Variants in CHST8 observed in about 807,000 individuals in gnomAD.
CHST8 encodes the protein carbohydrate sulfotransferase 8.
In CHST8, 10 loss-of-function variants were observed where a neutral mutation model predicts 15.0. The observed-to-expected ratio is 0.67, with a 90% confidence interval of 0.41 to 1.13. The LOEUF (loss-of-function observed/expected upper bound fraction) is 1.13, where lower values mean the gene tolerates loss of function less well. Ranked by LOEUF, CHST8 falls within the 50% of genes most tolerant of loss-of-function variation. The pLI, the probability that CHST8 is intolerant of heterozygous loss-of-function variation, is 0.00. For synonymous variants in CHST8, 259 were observed against 256.6 expected, an observed-to-expected ratio of 1.01 and a Z score of -0.09; for missense variants, 634 against 608.2, an observed-to-expected ratio of 1.04 and a Z score of -0.45.
chr19:33,756,071 G>T (rs1189545788), intron 3 of CHST8, among the ~76,000 whole-genome samples: 1 of 152,148 alleles, frequency 6.6e-6, no homozygotes, highest in Non-Finnish European at 1.5e-5. Context: ...TTGGAGCAAG[G>T]AGACACCCCC....
intron 1 of CHST8, among the ~76,000 whole-genome samples, chr19:33,635,834 C>T (rs986195628): frequency 2.6e-5 from 4 of 152,110 alleles, no homozygotes; most frequent in African/African-American, 4.8e-5. Flanking sequence ...AGAACTTTAT[C>T]TTGGTACAGT....
chr19:33,673,709 A>G (rs1205490740), intron 2 of CHST8, among the ~76,000 whole-genome samples: 1 of 152,036 alleles, frequency 6.6e-6, no homozygotes, highest in African/African-American at 2.4e-5. Context: ...CAAGAAGGTC[A>G]AGCTGGAGGG....
intron 3 of CHST8, among the ~76,000 whole-genome samples, chr19:33,712,787 G>A (rs552629867): frequency 7.9e-5 from 12 of 152,202 alleles, no homozygotes; most frequent in African/African-American, 2.9e-4. Flanking sequence ...CTCCTTGCCC[G>A]AGTCTCAAAA....
chr19:33,717,015 C>T (rs117426407), intron 3 of CHST8, among the ~76,000 whole-genome samples: 1 of 152,304 alleles, frequency 6.6e-6, no homozygotes, highest in Non-Finnish European at 1.5e-5. Flanking sequence ...CTAGGGTACA[C>T]TCTAATGACT....
chr19:33,650,980 C>T (rs1972441821), intron 1 of CHST8, among the ~76,000 whole-genome samples: 1 of 152,172 alleles, frequency 6.6e-6, no homozygotes, highest in South Asian at 2.1e-4. Flanking sequence ...GGATTACAGA[C>T]ATGAGCTGCC....
chr19:33,681,721 G>A (rs138062811), intron 2 of CHST8, among the ~76,000 whole-genome samples: 43 of 152,320 alleles, frequency 2.8e-4, no homozygotes, highest in African/African-American at 1.0e-3. Context: ...CTGATTCTGA[G>A]ATAGGGAAAC....
At chr19:33,744,799 A>G (rs1974280067) in intron 3 of CHST8, among the ~76,000 whole-genome samples, 1 of 152,040 alleles carries the variant, frequency 6.6e-6, no homozygotes, top group Non-Finnish European at 1.5e-5. Context: ...CCCAGGCTAG[A>G]GTACAGTGGC....
At chr19:33,644,468 C>T (rs932981896) in intron 1 of CHST8, among the ~76,000 whole-genome samples, 1 of 152,046 alleles carries the variant, frequency 6.6e-6, no homozygotes, top group African/African-American at 2.4e-5. Context: ...GGTGTGGTGG[C>T]TCATGCCTGT....
In CHST8 at chr19:33,694,463, C is replaced by T. The variant is rs561437995; in HGVS notation, c.130+5072C>T. Reference sequence around the variant, plus strand: ...ACAGACAATGGGATTGGACAGCCCCCGATGACTCCTAGGTCTGTGGCCTGT... The same window carrying T: ...ACAGACAATGGGATTGGACAGCCCCTGATGACTCCTAGGTCTGTGGCCTGT... On this transcript the variant is annotated intron_variant, in intron 3 of 4. Transcript: ENST00000650847. Among the ~76,000 whole-genome samples the T allele has an allele frequency of 5.3e-5, 8 of 151,804 alleles. No individual in the cohort carries two copies. In the East Asian group the frequency reaches 1.2e-3, roughly 22 times the overall value.
intron 3 of CHST8, among the ~76,000 whole-genome samples, chr19:33,697,568 A>G (rs1973244312): frequency 6.6e-6 from 1 of 152,110 alleles, no homozygotes. Flanking sequence ...GTGAATTATT[A>G]TTACACCATT....
intron 4 of CHST8, among the ~76,000 whole-genome samples, chr19:33,771,683 C>A (rs963204490): frequency 6.6e-6 from 1 of 152,194 alleles, no homozygotes; most frequent in Admixed American, 6.5e-5. Flanking sequence ...CTGAGCCCGC[C>A]TGCAGGCCAC....
chr19:33,650,501 C>CTTTTTTTTTTTTTTTTTTTT (rs1209646054), intron 1 of CHST8, among the ~76,000 whole-genome samples: 1 of 50,926 alleles, frequency 2.0e-5, no homozygotes, highest in Non-Finnish European at 4.4e-5. Flanking sequence ...TTTTCTTTTT[C>CTTTTTTTTTTTTTTTTTTTT]TTTTTCTTTT....
intron 3 of CHST8, among the ~76,000 whole-genome samples, chr19:33,733,913 C>T (rs971495259): frequency 6.6e-6 from 1 of 152,218 alleles, no homozygotes; most frequent in African/African-American, 2.4e-5. Flanking sequence ...AAACTTCCGT[C>T]GTTGATCTGT....
chr19:33,659,973 C>T (rs1296517077), intron 1 of CHST8, among the ~76,000 whole-genome samples: 1 of 152,156 alleles, frequency 6.6e-6, no homozygotes, highest in African/African-American at 2.4e-5. Flanking sequence ...TCCCTGGAAT[C>T]CTCCTGAAGC....
At chr19:33,716,041 A>G (rs1599578561) in intron 3 of CHST8, among the ~76,000 whole-genome samples, 1 of 152,224 alleles carries the variant, frequency 6.6e-6, no homozygotes, top group Admixed American at 6.5e-5. Context: ...TTGCAAAAAC[A>G]AAAACAGTCT....
intron 1 of CHST8, among the ~76,000 whole-genome samples, chr19:33,635,226 C>A (rs988565038): frequency 6.6e-6 from 1 of 152,216 alleles, no homozygotes; most frequent in Non-Finnish European, 1.5e-5. Context: ...AGCTGCTCCA[C>A]TCCTGCCCCT....
At chr19:33,735,460 A>T (rs1974067327) in intron 3 of CHST8, among the ~76,000 whole-genome samples, 1 of 152,196 alleles carries the variant, frequency 6.6e-6, no homozygotes, top group Non-Finnish European at 1.5e-5. Context: ...GGGCAGTCAG[A>T]GGGTCTTAGG....
chr19:33,655,949 GT>G (rs1282788997), intron 1 of CHST8, among the ~76,000 whole-genome samples: 6 of 152,148 alleles, frequency 3.9e-5, no homozygotes, highest in African/African-American at 1.4e-4. Flanking sequence ...AATTTTTTAA[GT>G]TGAACATCTG....
chr19:33,669,763 G>A (rs1972711454), intron 2 of CHST8, among the ~76,000 whole-genome samples: 1 of 152,166 alleles, frequency 6.6e-6, no homozygotes, highest in African/African-American at 2.4e-5. Context: ...TTCAAGTTTT[G>A]CAGAAGCCCA....
Sources: gnomAD v4.1 joint callset for allele counts (sites outside exome capture counted in the v4.1 genomes callset) on GRCh38, gnomAD v4.1.1 for gene constraint, MANE v1.5 for transcripts, NCBI Gene and HGNC (gene_info 2026-07-23, HGNC 2026-07-21) for gene names.